UIMC1: variants seen among roughly 807,000 people sequenced by gnomAD.
UIMC1 encodes ubiquitin interaction motif containing 1.
UIMC1 carries 42 observed loss-of-function variants against 84.9 expected under a neutral mutation model. That is an observed-to-expected ratio of 0.49 (90% confidence interval 0.39 to 0.64). UIMC1 has a LOEUF of 0.64. UIMC1 is among the 30% of genes least tolerant of loss of function. UIMC1 has a pLI of 0.00. For missense variants in UIMC1, 825 were observed against 847.6 expected, an observed-to-expected ratio of 0.97 and a Z score of 0.33; for synonymous variants, 281 against 293.0, an observed-to-expected ratio of 0.96 and a Z score of 0.42.
At chr5:176,952,017 GCTT>G (rs1765947034) in intron 8 of UIMC1, among the ~76,000 whole-genome samples, 1 of 152,098 alleles carries the variant, frequency 6.6e-6, no homozygotes, top group African/African-American at 2.4e-5. Context: ...TTTGTGTCCA[GCTT>G]CTTTTACTTA....
intron 2 of UIMC1, among the ~76,000 whole-genome samples, chr5:176,976,779 A>G (rs560447481): frequency 6.6e-6 from 1 of 152,328 alleles, no homozygotes; most frequent in Admixed American, 6.5e-5. Flanking sequence ...GGTTTGGGGG[A>G]AAATGGAGAG....
Position 176,911,293 on chromosome 5 carries a change from T to G in UIMC1, c.1676+18A>C, listed in dbSNP as rs141969154. 1.5e-3 allele frequency: 2,449 copies of G among 1,582,404 alleles called. 32 individuals are homozygous for G. The East Asian group carries it at 0.031, about 20-fold the overall frequency. On this transcript the variant is annotated intron_variant, in intron 11 of 14. Transcript: ENST00000511320. ...GTATGTTATACAAGAGCTCCGTGAATGCAGCATACCTACTTACTTGTCAAT... is the reference window on the plus strand; with the variant it reads ...GTATGTTATACAAGAGCTCCGTGAAGGCAGCATACCTACTTACTTGTCAAT...
chr5:177,000,195 T>G (rs1774239692), intron 1 of UIMC1, among the ~76,000 whole-genome samples: 1 of 152,150 alleles, frequency 6.6e-6, no homozygotes, highest in Non-Finnish European at 1.5e-5. Flanking sequence ...GACCTCATGA[T>G]CCGCCGCCTC....
rs557701716 is a variant in UIMC1, at chr5:176,976,818, G to A, written c.148-1338C>T. 1.2e-3 allele frequency among the ~76,000 whole-genome samples: 178 copies of A among 152,344 alleles called. 1 individual carries two copies. In the Middle Eastern group the frequency reaches 0.017, roughly 15 times the overall value. The stretch of plus-strand genomic sequence containing the variant: ...CTGCTAATGAAAATGGGTTTTTTCT[G>A]GGAGTAATGAAAATGTTCTAGGCCC... On this transcript the variant is annotated intron_variant, in intron 2 of 14. Transcript: ENST00000511320.
At chr5:176,928,602 C>CA (rs967922762) in intron 10 of UIMC1, among the ~76,000 whole-genome samples, 5 of 152,086 alleles carry the variant, frequency 3.3e-5, no homozygotes, top group Non-Finnish European at 7.4e-5. Context: ...CAACTATAAA[C>CA]AAAAAAACAA....
In UIMC1 at chr5:177,003,992, C is replaced by A. The variant is rs559550194; in HGVS notation, c.-9+2658G>T. Among the ~76,000 whole-genome samples the A allele has an allele frequency of 8.7e-4, 133 of 152,228 alleles. 1 individual carries two copies. In the Middle Eastern group the frequency reaches 0.014, roughly 16 times the overall value. On this transcript the variant is annotated intron_variant, in intron 1 of 14. Coordinates refer to ENST00000511320, the MANE Select transcript of UIMC1 (RefSeq NM_001199298.2). ...TACAGACATGTGCCAACAAGCCCAG[C>A]TAATTTTTTGTATTTTTTGTAGAGA... is the stretch of plus-strand genomic sequence containing the variant.
At chr5:177,000,083 C>T (rs1013750216) in intron 1 of UIMC1, among the ~76,000 whole-genome samples, 2 of 151,924 alleles carry the variant, frequency 1.3e-5, no homozygotes, top group East Asian at 1.9e-4. Context: ...CTCAGCCTCC[C>T]GAGTAGCTGG....
Position 176,975,474 on chromosome 5 carries a change from T to C in UIMC1, c.154A>G (p.Lys52Glu), listed in dbSNP as rs760020234. Residue 52 changes from lysine to glutamate, a missense_variant, in exon 3 of 15, where the codon AAG becomes GAG. Lys to Glu is a moderately conservative substitution (Grantham distance 56). Transcript: ENST00000511320. The stretch of plus-strand genomic sequence containing the variant: ...GTTTTCTGCAACCCATTTTCCTCCT[T>C]TGGTTCCTGTTGCAAAACAAGAAAT... Reference protein sequence around the residue: ...VISDSDGEEPKEENGLQKTKT... With the variant: ...VISDSDGEEPEEENGLQKTKT... 2 of 1,614,058 alleles carry C rather than the reference T, an allele frequency of 1.2e-6. No individual in the cohort carries two copies. The highest frequency in any genetic ancestry group is 3.3e-5 in the Admixed American group (2 of 60,008).
intron 10 of UIMC1, among the ~76,000 whole-genome samples, chr5:176,925,912 T>C (rs1762335833): frequency 6.6e-6 from 1 of 152,190 alleles, no homozygotes. Flanking sequence ...ATGATTTGCA[T>C]GCTTAAGTAT....
chr5:176,966,694 A>T (rs911274781), intron 6 of UIMC1, among the ~76,000 whole-genome samples: 2 of 152,206 alleles, frequency 1.3e-5, no homozygotes, highest in African/African-American at 2.4e-5. Context: ...AACTAAATGT[A>T]CCAAGATGAA....
intron 4 of UIMC1, 187 bp from the exon 5 acceptor site, chr5:176,969,893 T>C (rs555975165): frequency 1.9e-6 from 1 of 537,536 alleles, no homozygotes; most frequent in South Asian, 2.8e-5. Context: ...TAGATCACTA[T>C]ACTAAACCCT....
At chr5:176,939,398 TAC>T (rs1764145880) in intron 10 of UIMC1, among the ~76,000 whole-genome samples, 4 of 152,274 alleles carry the variant, frequency 2.6e-5, no homozygotes, top group Admixed American at 6.5e-5. Flanking sequence ...AAGGATGTAG[TAC>T]AGTCATGTGC....
exon 1 of UIMC1, chr5:177,022,514 G>GA (rs1225784108): frequency 8.4e-6 from 4 of 474,152 alleles, no homozygotes; most frequent in Non-Finnish European, 1.5e-5. Context: ...CTCTCCGGGA[G>GA]GGGGGGGTCA....
chr5:176,969,116 G>A lies in UIMC1; in HGVS notation c.639C>T (p.Asn213=), dbSNP rs138261725. The part of the protein sequence containing the change: ...QSSQPVFENV[N]VKSFDRCTGH... ...CAGTACATCTGTCAAAAGATTTAAC[G>A]TTCACATTCTCAAACACTGGCTGGC... Residue 213 remains asparagine (N), a synonymous_variant, in exon 6 of 15, where the codon AAC becomes AAT. Transcript: ENST00000511320. 20 of 1,614,002 alleles carry A rather than the reference G, an allele frequency of 1.2e-5. No individual in the cohort carries two copies. The highest frequency in any genetic ancestry group is 4.5e-5 in the East Asian group (2 of 44,888).
At chr5:176,981,131 T>TTTTG (rs1770970688) in intron 2 of UIMC1, among the ~76,000 whole-genome samples, 1 of 150,890 alleles carries the variant, frequency 6.6e-6, no homozygotes, top group Admixed American at 6.7e-5. Context: ...ATAAGGAACT[T>TTTTG]TTTGTTTTGT....
At chr5:176,952,925 A>G (rs1286589909) in intron 8 of UIMC1, among the ~76,000 whole-genome samples, 1 of 152,182 alleles carries the variant, frequency 6.6e-6, no homozygotes, top group Admixed American at 6.5e-5. Flanking sequence ...TACAGACTGA[A>G]TGTTTGTGTA....
chr5:177,005,397 TA>T (rs1775114424), intron 1 of UIMC1, among the ~76,000 whole-genome samples: 9 of 151,978 alleles, frequency 5.9e-5, no homozygotes, highest in Admixed American at 5.9e-4. Flanking sequence ...AATAACTAAA[TA>T]CAATGAACTT....
chr5:176,917,497 G>A (rs757169537), intron 10 of UIMC1, among the ~76,000 whole-genome samples: 27 of 152,110 alleles, frequency 1.8e-4, no homozygotes, highest in Non-Finnish European at 3.1e-4. Flanking sequence ...GCTTGAACCC[G>A]GGAGACGGAG....
rs1471758421 is a variant in UIMC1 at position 176,968,997 on chromosome 5, G to A, written c.758C>T (p.Thr253Ile). 6.2e-7 allele frequency: 1 copy of A among 1,614,222 alleles called. No individual in the cohort carries two copies. Among genetic ancestry groups the A allele is most frequent in the East Asian group, 2.2e-5 (1 of 44,890 alleles). ...FLKAVQGSGD[T>I]SRHCLPTLAD... is the part of the protein sequence containing the mutation. ...TAGGGTAGGTAGACAGTGCCTAGAT[G>A]TGTCCCCGCTACCCTGGACAGCTTT... The change falls in exon 6 of 15, where the codon ACA (threonine) becomes ATA (isoleucine). Residue 253 changes from threonine to isoleucine, a missense_variant. By Grantham distance (89) the Thr-to-Ile change is moderately conservative. Coordinates refer to ENST00000511320, the MANE Select transcript of UIMC1 (RefSeq NM_001199298.2).
Sources: gnomAD v4.1 joint callset for allele counts (sites outside exome capture counted in the v4.1 genomes callset) on GRCh38, gnomAD v4.1.1 for gene constraint, MANE v1.5 for transcripts, NCBI Gene and HGNC (gene_info 2026-07-23, HGNC 2026-07-21) for gene names.